The following ATP10A variants were observed in gnomAD, a reference collection of about 807,000 sequenced individuals.
ATP10A encodes phospholipid-transporting ATPase VA.
In ATP10A, 111 loss-of-function variants were observed where a neutral mutation model predicts 147.8. That is an observed-to-expected ratio of 0.75 (90% CI 0.64 to 0.88). The LOEUF is 0.88. ATP10A is among the 40% of genes least tolerant of loss of function. ATP10A has a pLI of 0.00. For synonymous variants in ATP10A, 875 were observed against 841.6 expected, an observed-to-expected ratio of 1.04 and a Z score of -0.69; for missense variants, 1,927 against 1,959.0, an observed-to-expected ratio of 0.98 and a Z score of 0.31.
rs918682448 is a variant in ATP10A at position 25,775,316 on chromosome 15, T to C, written c.654+5703A>G. Reference sequence around the variant, plus strand: ...CATATTTGGACTTTTGAAGTCACTTTCTAAGCTTCTGAATTCTGTCAAGTA... The same window carrying C: ...CATATTTGGACTTTTGAAGTCACTTCCTAAGCTTCTGAATTCTGTCAAGTA... On this transcript the variant is annotated intron_variant, in intron 2 of 20. Transcript: ENST00000555815. 5.3e-5 allele frequency among the ~76,000 whole-genome samples: 8 copies of C among 152,250 alleles called. 1 individual carries two copies. Among genetic ancestry groups the C allele is most frequent in the Admixed American group, 3.9e-4 (6 of 15,288 alleles).
intron 14 of ATP10A, among the ~76,000 whole-genome samples, chr15:25,693,233 G>A (rs1467453416): frequency 1.3e-5 from 2 of 151,910 alleles, no homozygotes; most frequent in African/African-American, 2.4e-5. Flanking sequence ...ATGTTGCCCA[G>A]GCTGGTCTCA....
At chr15:25,793,442 T>C (rs921847732) in intron 1 of ATP10A, among the ~76,000 whole-genome samples, 1 of 152,174 alleles carries the variant, frequency 6.6e-6, no homozygotes, top group African/African-American at 2.4e-5. Flanking sequence ...TGTGCAGTTT[T>C]TGTTCCTATT....
chr15:25,835,402 G>A lies in ATP10A; in HGVS notation c.449+27246C>T, dbSNP rs569940710. On this transcript the variant is annotated intron_variant, in intron 1 of 20. Transcript: ENST00000555815. ...TTTAACTGGGTGAATTGTATGGTAC[G>A]TGAAGTGGGTCTCAATAAAGCCCCC... Among the ~76,000 whole-genome samples, 5 of 152,260 alleles carry A rather than the reference G, an allele frequency of 3.3e-5. No individual in the cohort carries two copies. In the East Asian group the frequency reaches 5.8e-4, roughly 18 times the overall value.
chr15:25,785,078 G>A lies in ATP10A; in HGVS notation c.450-3855C>T, dbSNP rs189475687. Among the ~76,000 whole-genome samples, 360 of 152,164 alleles carry A rather than the reference G, an allele frequency of 2.4e-3. 3 individuals carry two copies. The highest frequency in any genetic ancestry group is 8.3e-3 in the African/African-American group (345 of 41,520). Reference sequence around the variant, plus strand: ...GACCAAAAAGGCAAGAGATGCCTCAGGGGTCCAAATCCTGCAACCACTCCA... The same window carrying A: ...GACCAAAAAGGCAAGAGATGCCTCAAGGGTCCAAATCCTGCAACCACTCCA... On this transcript the variant is annotated intron_variant, in intron 1 of 20. Transcript: ENST00000555815.
chr15:25,824,557 GT>G (rs5811400), intron 1 of ATP10A, among the ~76,000 whole-genome samples: 110,395 of 138,854 alleles, frequency 0.8, 42,571 homozygotes, highest in East Asian at 0.86. Context: ...CTTTTTGTGT[GT>G]GTTTTTTTTT....
At chr15:25,787,974 C>G (rs199829888) in intron 1 of ATP10A, among the ~76,000 whole-genome samples, 6 of 152,124 alleles carry the variant, frequency 3.9e-5, no homozygotes, top group African/African-American at 1.4e-4. Context: ...CTGGGCTAAA[C>G]AAGCCACTGA....
In ATP10A at chr15:25,863,291, G is replaced by T. The variant is rs1893863124; in HGVS notation, c.-195C>A. The T allele has an allele frequency of 1.0e-5, 2 of 195,950 alleles. No homozygotes were observed. Among genetic ancestry groups the T allele is most frequent in the Non-Finnish European group, 1.9e-5 (2 of 105,020 alleles). The allele number at this position is 195,950 out of a possible 1,614,324, so 12.1% of individuals were successfully genotyped here. ...GCCCAGCCCCGTCCACTCCCGTCCA[G>T]CCCCGCCGCCCGGCCGCAGTCCCCA... On this transcript the variant is annotated 5_prime_UTR_variant, in exon 1 of 21. The change creates a new upstream start codon in the 5' untranslated region. Transcript: ENST00000555815.
chr15:25,859,494 C>A (rs1893660801), intron 1 of ATP10A, among the ~76,000 whole-genome samples: 1 of 152,178 alleles, frequency 6.6e-6, no homozygotes, highest in African/African-American at 2.4e-5. Flanking sequence ...GCTTCCCACA[C>A]CCTCCCATCA....
chr15:25,852,250 C>G (rs1379526214), intron 1 of ATP10A, among the ~76,000 whole-genome samples: 1 of 151,998 alleles, frequency 6.6e-6, no homozygotes. Flanking sequence ...CATCCTCCCT[C>G]CTATTGAATG....
chr15:25,849,937 C>T (rs1200830130), intron 1 of ATP10A, among the ~76,000 whole-genome samples: 2 of 152,138 alleles, frequency 1.3e-5, no homozygotes, highest in Non-Finnish European at 2.9e-5. Flanking sequence ...TGACTAAAGT[C>T]TGTCCTGGCA....
rs190788613 is a variant in ATP10A at position 25,757,220 on chromosome 15, C to T, written c.655-21079G>A. Among the ~76,000 whole-genome samples the T allele has an allele frequency of 5.0e-3, 757 of 152,142 alleles. 1 individual carries two copies. Among genetic ancestry groups the T allele is most frequent in the Non-Finnish European group, 8.8e-3 (599 of 67,986 alleles). The stretch of plus-strand genomic sequence containing the variant: ...AGAGAGTAGCTAAATATATTTGGGT[C>T]TGTTAGTAAACATAAAACAATTGTT... On this transcript the variant is annotated intron_variant, in intron 2 of 20. Transcript: ENST00000555815.
At chr15:25,735,812 G>T (rs1313417145) in intron 3 of ATP10A, among the ~76,000 whole-genome samples, 2 of 152,098 alleles carry the variant, frequency 1.3e-5, no homozygotes, top group Non-Finnish European at 1.5e-5. Context: ...AGGAAAAGCG[G>T]TACCTCCTCC....
chr15:25,757,898 T>A (rs4906766), intron 2 of ATP10A, among the ~76,000 whole-genome samples: 2 of 8,876 alleles, frequency 2.3e-4, no homozygotes, highest in Non-Finnish European at 6.4e-4. Context: ...AACTCATTCC[T>A]ATCACCTGCT....
intron 17 of ATP10A, among the ~76,000 whole-genome samples, chr15:25,681,962 G>A (rs1428148996): frequency 1.3e-5 from 2 of 151,608 alleles, no homozygotes. Flanking sequence ...GCTGAGGCAG[G>A]AGAATGGCGT....
chr15:25,760,126 A>T (rs1888678788), intron 2 of ATP10A, among the ~76,000 whole-genome samples: 1 of 152,124 alleles, frequency 6.6e-6, no homozygotes, highest in African/African-American at 2.4e-5. Flanking sequence ...TGGATATTTG[A>T]CAAACTTTTC....
intron 1 of ATP10A, among the ~76,000 whole-genome samples, chr15:25,852,612 A>C (rs972225526): frequency 1.3e-5 from 2 of 152,194 alleles, no homozygotes; most frequent in Non-Finnish European, 2.9e-5. Context: ...CAAAGAGGAA[A>C]ACAGGTTTTT....
At chr15:25,761,265 C>A (rs1306605663) in intron 2 of ATP10A, among the ~76,000 whole-genome samples, 1 of 152,166 alleles carries the variant, frequency 6.6e-6, no homozygotes, top group African/African-American at 2.4e-5. Context: ...TTGTCCGGGG[C>A]CACTCTCAGT....
Position 25,681,484 on chromosome 15 carries a change from T to C in ATP10A, c.3493-410A>G, listed in dbSNP as rs1899406880. Among the ~76,000 whole-genome samples, 3 of 152,186 alleles carry C rather than the reference T, an allele frequency of 2.0e-5. No homozygotes were observed. The South Asian group carries it at 6.2e-4, about 32-fold the overall frequency. On this transcript the variant is annotated intron_variant, in intron 17 of 20. Coordinates refer to ENST00000555815, the MANE Select transcript of ATP10A (RefSeq NM_024490.4). ...CACACATTCCCATTGCAGTGCCCTA[T>C]TCCCGAATAAACACCATTCTCTTTT...
chr15:25,755,947 A>G (rs1171728011), intron 2 of ATP10A, among the ~76,000 whole-genome samples: 2 of 152,232 alleles, frequency 1.3e-5, no homozygotes, highest in African/African-American at 4.8e-5. Flanking sequence ...ACCACTAGAA[A>G]CTTTTGCTTT....
Sources: gnomAD v4.1 joint callset for allele counts (sites outside exome capture counted in the v4.1 genomes callset) on GRCh38, gnomAD v4.1.1 for gene constraint, MANE v1.5 for transcripts, NCBI Gene and HGNC (gene_info 2026-07-23, HGNC 2026-07-21) for gene names.